ARGFX: variants seen among roughly 807,000 people sequenced by gnomAD.
ARGFX encodes the protein arginine-fifty homeobox.
ARGFX carries 10 observed loss-of-function variants against 8.0 expected under a neutral mutation model. The ratio of observed to expected loss-of-function variants is 1.25; its 90% CI spans 0.77 to 2.12. The LOEUF (loss-of-function observed/expected upper bound fraction) is 2.12. Ranked by LOEUF, ARGFX falls within the 30% of genes most tolerant of loss-of-function variation. ARGFX has a pLI of 0.00. For missense variants in ARGFX, 282 were observed against 324.3 expected, an observed-to-expected ratio of 0.87 and a Z score of 1.00; for synonymous variants, 116 against 117.8, an observed-to-expected ratio of 0.98 and a Z score of 0.10.
At chr3:121,584,255 GAAGGAAGGAAGGA>G (rs2048797944) in intron 3 of ARGFX, among the ~76,000 whole-genome samples, 1 of 150,532 alleles carries the variant, frequency 6.6e-6, no homozygotes, top group African/African-American at 2.5e-5. Flanking sequence ...AGGAAGGAAG[GAAGGAAGGAAGGA>G]AAGAAAAGAA....
intron 2 of ARGFX, among the ~76,000 whole-genome samples, chr3:121,576,419 A>G (rs1576441709): frequency 6.6e-6 from 1 of 151,916 alleles, no homozygotes; most frequent in African/African-American, 2.4e-5. Context: ...ACTCACCGCA[A>G]CCTCTGCCTC....
chr3:121,580,484 G>A (rs1011432452), intron 3 of ARGFX, among the ~76,000 whole-genome samples: 1 of 151,352 alleles, frequency 6.6e-6, no homozygotes, highest in African/African-American at 2.4e-5. Context: ...GCCTCTCTGA[G>A]GTTGTCATTG....
intron 2 of ARGFX, 73 bp from the exon 3 acceptor site, chr3:121,576,711 C>CTTTCTTTCTTTCTTTCTT (rs2108835954): frequency 2.0e-5 from 1 of 49,224 alleles, no homozygotes; most frequent in East Asian, 3.3e-4. Flanking sequence ...CTTTCTTTTT[C>CTTTCTTTCTTTCTTTCTT]TTTCTTTCTT....
At position 121,586,203 on chromosome 3, in the gene ARGFX, T is replaced by C. The variant is rs1198016309; in HGVS notation, c.551T>C (p.Leu184Ser). The stretch of plus-strand genomic sequence containing the variant: ...TACAGCTCCCTTCCATCTCAGCCCT[T>C]AGACCCTTCCAATTGGGCATGGAAC... ...DFYSSLPSQP[L>S]DPSNWAWNST... is the part of the protein sequence containing the mutation. Residue 184 changes from leucine to serine, a missense_variant, in exon 5 of 5, where the codon TTA becomes TCA. Leu to Ser is a moderately radical substitution (Grantham distance 145, BLOSUM62 -2). Transcript: ENST00000334384. The C allele has an allele frequency of 3.1e-6, 5 of 1,613,944 alleles. No individual in the cohort carries two copies. In the African/African-American group the frequency reaches 6.7e-5, roughly 22 times the overall value.
intron 3 of ARGFX, among the ~76,000 whole-genome samples, chr3:121,584,521 G>C (rs1359109318): frequency 6.6e-6 from 1 of 152,180 alleles, no homozygotes; most frequent in Non-Finnish European, 1.5e-5. Flanking sequence ...GAAGACAGAA[G>C]CTACTATCCA....
rs1252198853 is a variant in ARGFX at position 121,590,319 on chromosome 3, AC to A, written c.*3721del. ...CAAAGCAACAGCTTTGAGAGGTGAG[AC>A]CTTTAAGGGTTACTAGGCAGAGCCC... On this transcript the variant is annotated 3_prime_UTR_variant, in exon 5 of 5. Coordinates refer to ENST00000334384, the MANE Select transcript of ARGFX (RefSeq NM_001012659.2). 1.3e-5 allele frequency among the ~76,000 whole-genome samples: 2 copies of A among 152,178 alleles called. No homozygotes were observed. The highest frequency in any genetic ancestry group is 2.9e-5 in the Non-Finnish European group (2 of 68,042).
chr3:121,579,940 C>CTTTTTTTTTTTTTTTTTTT (rs1204013765), intron 3 of ARGFX, among the ~76,000 whole-genome samples: 1 of 43,258 alleles, frequency 2.3e-5, no homozygotes, highest in African/African-American at 8.8e-5. Flanking sequence ...CTTTTCTTTT[C>CTTTTTTTTTTTTTTTTTTT]TTTTCTTTTT....
chr3:121,568,592 T>C (rs2048687505), intron 1 of ARGFX, among the ~76,000 whole-genome samples: 2 of 152,238 alleles, frequency 1.3e-5, no homozygotes, highest in African/African-American at 4.8e-5. Context: ...AGACTGTGTG[T>C]ACAAGAGTCA....
chr3:121,583,196 ATT>A (rs527663733), intron 3 of ARGFX, among the ~76,000 whole-genome samples: 71 of 150,322 alleles, frequency 4.7e-4, no homozygotes, highest in African/African-American at 1.7e-3. Context: ...TGCCTGGCTA[ATT>A]TTTGTAGTTT....
rs759424644 is a variant in ARGFX, at chr3:121,586,478, G to C, written c.826G>C (p.Val276Leu). 6.2e-7 allele frequency: 1 copy of C among 1,614,188 alleles called. No homozygotes were observed. The highest frequency in any genetic ancestry group is 8.5e-7 in the Non-Finnish European group (1 of 1,180,040). ...TCTCAGCATCTTTGCTGGTCCAGCT[G>C]TAGGCCTATCTCCTGCACAAACCTG... ...SSLSIFAGPA[V>L]GLSPAQTWPN... The change falls in exon 5 of 5, where the codon GTA becomes CTA. Residue 276 changes from valine (V) to leucine (L), a missense_variant. Val to Leu is a conservative substitution (Grantham distance 32). Transcript: ENST00000334384.
In ARGFX at chr3:121,577,226, C is replaced by CATATATAT. The variant is rs71133554; in HGVS notation, c.220+353_220+360dup. 3.0e-3 allele frequency among the ~76,000 whole-genome samples: 259 copies of CATATATAT among 86,996 alleles called. 3 individuals are homozygous for CATATATAT. Among genetic ancestry groups the CATATATAT allele is most frequent in the African/African-American group, 3.5e-3 (69 of 19,930 alleles). The allele number at this position is 86,996 out of a possible 152,430, so 57.1% of individuals were successfully genotyped here. On this transcript the variant is annotated intron_variant, in intron 3 of 4. Coordinates refer to ENST00000334384, the MANE Select transcript of ARGFX (RefSeq NM_001012659.2). ...GTATATATATATATATCTACATGTA[C>CATATATAT]ATATATATATATATATATATATATA...
chr3:121,573,252 G>A (rs2048718602), intron 2 of ARGFX, among the ~76,000 whole-genome samples: 1 of 152,166 alleles, frequency 6.6e-6, no homozygotes, highest in African/African-American at 2.4e-5. Context: ...AGGCCGAGAT[G>A]CGTGGATCAC....
intron 3 of ARGFX, 56 bp from the exon 4 acceptor site, chr3:121,584,861 G>A (rs998067908): frequency 2.6e-6 from 4 of 1,561,774 alleles, no homozygotes; most frequent in Non-Finnish European, 3.5e-6. Flanking sequence ...TTTTTGGTTG[G>A]GGGGAGAGAT....
At chr3:121,577,979 T>C (rs1161046762) in intron 3 of ARGFX, among the ~76,000 whole-genome samples, 1 of 151,658 alleles carries the variant, frequency 6.6e-6, no homozygotes, top group African/African-American at 2.4e-5. Context: ...AGAGACAGGG[T>C]TTCACCATGT....
intron 2 of ARGFX, among the ~76,000 whole-genome samples, chr3:121,575,622 G>C (rs1056123161): frequency 6.6e-6 from 1 of 152,024 alleles, no homozygotes; most frequent in Non-Finnish European, 1.5e-5. Flanking sequence ...CAATTAAGAA[G>C]GTGTGGCTAG....
chr3:121,575,402 G>A (rs1394364289), intron 2 of ARGFX, among the ~76,000 whole-genome samples: 1 of 152,160 alleles, frequency 6.6e-6, no homozygotes, highest in Admixed American at 6.5e-5. Context: ...CATGCTTGAG[G>A]GTTGACTAGC....
intron 3 of ARGFX, among the ~76,000 whole-genome samples, chr3:121,583,562 A>T (rs985132121): frequency 1.3e-5 from 2 of 151,734 alleles, no homozygotes; most frequent in Non-Finnish European, 2.9e-5. Flanking sequence ...CTCCCACCTC[A>T]GCCTCAAGAA....
chr3:121,574,963 G>T (rs893484648), intron 2 of ARGFX, among the ~76,000 whole-genome samples: 1 of 152,182 alleles, frequency 6.6e-6, no homozygotes, highest in Non-Finnish European at 1.5e-5. Flanking sequence ...GTACAAATTA[G>T]TCATTGCTGT....
At chr3:121,582,495 GA>G (rs1363812424) in intron 3 of ARGFX, among the ~76,000 whole-genome samples, 1 of 151,890 alleles carries the variant, frequency 6.6e-6, no homozygotes, top group African/African-American at 2.4e-5. Context: ...TATATGAACT[GA>G]AAAAATAAGA....
Sources: gnomAD v4.1 joint callset for allele counts (sites outside exome capture counted in the v4.1 genomes callset) on GRCh38, gnomAD v4.1.1 for gene constraint, MANE v1.5 for transcripts, NCBI Gene and HGNC (gene_info 2026-07-23, HGNC 2026-07-21) for gene names.